MCC: variants seen among roughly 807,000 people sequenced by gnomAD.
MCC encodes the protein MCC regulator of Wnt signaling pathway, also known as colorectal mutant cancer protein.
Under a neutral mutation model 116.2 loss-of-function variants are expected in MCC, and 90 were observed. The ratio of observed to expected loss-of-function variants is 0.77; its 90% confidence interval spans 0.65 to 0.92. MCC has a LOEUF of 0.92. MCC is among the 40% of genes least tolerant of loss of function. The pLI is 0.00. For synonymous variants in MCC, 578 were observed against 510.5 expected (o/e 1.13, Z -1.78); for missense variants, 1,516 against 1,312.2 (o/e 1.16, Z -2.40).
rs577842217 is a variant in MCC, at chr5:113,203,394, C to G, written c.628-51972G>C. 4 of 152,582 alleles carry G rather than the reference C, an allele frequency of 2.6e-5. No homozygotes were observed. In the South Asian group the frequency reaches 8.3e-4, roughly 32 times the overall value. 9.5% of individuals were successfully genotyped at this position (152,582 alleles called of 1,614,324 possible). The stretch of plus-strand genomic sequence containing the variant: ...TCCCTCCCCCACCGGCCTCGGATCT[C>G]ATTCCTCTCAATCGCACTGATGCCC... On this transcript the variant is annotated intron_variant, in intron 3 of 18. Transcript: ENST00000408903.
At chr5:113,029,687 TAG>T (rs922651975) in intron 17 of MCC, among the ~76,000 whole-genome samples, 46 of 152,290 alleles carry the variant, frequency 3.0e-4, no homozygotes, top group African/African-American at 9.6e-4. Context: ...CCAAGCTAAT[TAG>T]AGTCAGTTCA....
chr5:113,193,753 A>G (rs923971524), intron 3 of MCC, among the ~76,000 whole-genome samples: 3 of 152,140 alleles, frequency 2.0e-5, no homozygotes, highest in Non-Finnish European at 4.4e-5. Context: ...TCATTCACAC[A>G]CTGCACTTCC....
Position 113,333,787 on chromosome 5 carries a change from A to G in MCC, c.627+6732T>C, listed in dbSNP as rs904493717. Among the ~76,000 whole-genome samples, 3 of 113,504 alleles carry G rather than the reference A, an allele frequency of 2.6e-5. No homozygotes were observed. In the South Asian group the frequency reaches 8.0e-4, roughly 30 times the overall value. 74.5% of individuals were successfully genotyped at this position (113,504 alleles called of 152,430 possible). A position where few individuals can be genotyped will look rare whatever the true frequency, so the allele number is the denominator to read the frequency against. On this transcript the variant is annotated intron_variant, in intron 3 of 18. Coordinates refer to ENST00000408903, the MANE Select transcript of MCC (RefSeq NM_001085377.2). ...AACAAAATGTCTTTGCTTCATATAT[A>G]TTTATATATATATGTATATATGTAT...
chr5:113,116,320 TG>T (rs1469606120), intron 6 of MCC, among the ~76,000 whole-genome samples: 1 of 152,194 alleles, frequency 6.6e-6, no homozygotes, highest in Non-Finnish European at 1.5e-5. Flanking sequence ...TGGCTGGGGA[TG>T]CGGTAACAAC....
At chr5:113,122,856 A>G in intron 5 of MCC, 30 bp from the exon 6 acceptor site, 1 of 1,611,908 alleles carries the variant, frequency 6.2e-7, no homozygotes. Context: ...GGCAACCACT[A>G]ACAGAGGATA....
At chr5:113,091,934 T>C (rs955997946) in intron 8 of MCC, among the ~76,000 whole-genome samples, 3 of 151,966 alleles carry the variant, frequency 2.0e-5, no homozygotes, top group Admixed American at 6.6e-5. Context: ...CACTGCCTTC[T>C]CATGGGATAG....
intron 3 of MCC, among the ~76,000 whole-genome samples, chr5:113,183,390 C>CA (rs1761726336): frequency 6.6e-6 from 1 of 152,038 alleles, no homozygotes; most frequent in African/African-American, 2.4e-5. Flanking sequence ...CTTCAGGTAC[C>CA]AGGTCAGAGA....
At chr5:113,382,626 G>A (rs10070990) in intron 2 of MCC, among the ~76,000 whole-genome samples, 9,929 of 152,050 alleles carry the variant, frequency 0.065, 688 homozygotes, top group African/African-American at 0.17. Flanking sequence ...CAATCCCCAG[G>A]ACTTAAAACC....
chr5:113,211,509 T>C (rs1273100726), intron 3 of MCC, among the ~76,000 whole-genome samples: 2 of 152,232 alleles, frequency 1.3e-5, no homozygotes, highest in East Asian at 3.8e-4. Context: ...AAAACAATCT[T>C]CTACATAGCC....
At chr5:113,247,675 G>T (rs1422989465) in intron 3 of MCC, among the ~76,000 whole-genome samples, 1 of 152,108 alleles carries the variant, frequency 6.6e-6, no homozygotes, top group Admixed American at 6.5e-5. Flanking sequence ...GATGGGGACC[G>T]GTCCACAGAG....
intron 3 of MCC, among the ~76,000 whole-genome samples, chr5:113,279,185 T>C (rs891448226): frequency 6.6e-6 from 1 of 152,316 alleles, no homozygotes; most frequent in Admixed American, 6.5e-5. Flanking sequence ...GTAGCACTTA[T>C]AAGACACTAC....
intron 2 of MCC, among the ~76,000 whole-genome samples, chr5:113,343,177 G>A (rs1309603004): frequency 6.6e-6 from 1 of 152,172 alleles, no homozygotes; most frequent in Non-Finnish European, 1.5e-5. Flanking sequence ...TAATCAATGT[G>A]AATAGGAAAA....
chr5:113,206,088 G>T (rs1728844412), intron 3 of MCC, among the ~76,000 whole-genome samples: 1 of 152,218 alleles, frequency 6.6e-6, no homozygotes. Flanking sequence ...CTCCAAGACT[G>T]AAGTTCAGAA....
intron 3 of MCC, among the ~76,000 whole-genome samples, chr5:113,249,714 G>A (rs1764721802): frequency 6.6e-6 from 1 of 152,190 alleles, no homozygotes; most frequent in African/African-American, 2.4e-5. Flanking sequence ...GCAGAGAGCA[G>A]AGCTAGTCAG....
chr5:113,294,474 C>T (rs776890428), intron 3 of MCC: 171 of 1,598,092 alleles, frequency 1.1e-4, no homozygotes, highest in Middle Eastern at 8.3e-4. Context: ...CTGCTTGGTC[C>T]CTTCTGCCAC....
At chr5:113,294,705 G>C in intron 3 of MCC, 1 of 1,018,434 alleles carries the variant, frequency 9.8e-7, no homozygotes, top group Non-Finnish European at 1.2e-6. Flanking sequence ...GTGCCACCCT[G>C]GGCGCCGCCT....
chr5:113,454,932 A>T (rs1482919685), intron 1 of MCC, among the ~76,000 whole-genome samples: 1 of 152,214 alleles, frequency 6.6e-6, no homozygotes, highest in Non-Finnish European at 1.5e-5. Flanking sequence ...GAATAATTGC[A>T]GCTGAGGAGT....
chr5:113,171,779 G>T (rs181935578), intron 3 of MCC, among the ~76,000 whole-genome samples: 131 of 152,278 alleles, frequency 8.6e-4, no homozygotes, highest in African/African-American at 2.6e-3. Context: ...GAATTCTCCA[G>T]AATCTGTGAG....
intron 1 of MCC, among the ~76,000 whole-genome samples, chr5:113,472,179 C>T (rs1320604593): frequency 6.6e-6 from 1 of 152,164 alleles, no homozygotes; most frequent in Non-Finnish European, 1.5e-5. Context: ...CCTGCACCTA[C>T]TGTCTGGCAC....
Sources: allele counts gnomAD v4.1 joint callset (sites outside exome capture counted in the v4.1 genomes callset), GRCh38; gene constraint gnomAD v4.1.1; transcripts MANE v1.5; gene names NCBI Gene and HGNC (gene_info 2026-07-23, HGNC 2026-07-21).